The following ATRX variants were observed in gnomAD, a reference collection of about 807,000 sequenced individuals.
The protein encoded by ATRX is ATRX chromatin remodeler, also known as chromatin remodeler ATRX.
In ATRX, 12 loss-of-function variants were observed where a neutral mutation model predicts 172.6. The observed-to-expected ratio is 0.07, with a 90% CI of 0.04 to 0.11. The LOEUF is 0.11. ATRX is among the 10% of genes least tolerant of loss of function. The probability of loss-of-function intolerance (pLI) is 1.00; values close to 1 mark genes in which losing one functional copy is unlikely to be tolerated. For synonymous variants in ATRX, 674 were observed against 594.7 expected (o/e 1.13, Z -1.94); for missense variants, 1,368 against 1,767.4 (o/e 0.77, Z 4.05).
intron 1 of ATRX, among the ~76,000 whole-genome samples, chrX:77,764,859 G>C (rs1603327913): frequency 8.9e-6 from 1 of 112,291 alleles, no homozygotes; most frequent in Non-Finnish European, 1.9e-5. Flanking sequence ...AAGCTACTTT[G>C]AGATTAGGAA....
intron 9 of ATRX, among the ~76,000 whole-genome samples, chrX:77,678,444 C>G (rs2071021507): frequency 8.9e-6 from 1 of 112,255 alleles, no homozygotes; most frequent in Non-Finnish European, 1.9e-5. Context: ...TTAAGTAGTT[C>G]ACTTGCCATT....
chrX:77,704,470 C>T (rs1179858984), intron 2 of ATRX, among the ~76,000 whole-genome samples: 1 of 112,059 alleles, frequency 8.9e-6, no homozygotes, highest in Non-Finnish European at 1.9e-5. Flanking sequence ...GCCCAACCTC[C>T]AGCCTTCAGG....
At chrX:77,705,694 T>C (rs186649848) in intron 2 of ATRX, among the ~76,000 whole-genome samples, 17 of 112,105 alleles carry the variant, frequency 1.5e-4, no homozygotes, top group Non-Finnish European at 2.8e-4. Flanking sequence ...AGAAACATAG[T>C]GAAACCTCAT....
At chrX:77,530,821 C>T (rs1557046106) in intron 30 of ATRX, among the ~76,000 whole-genome samples, 2 of 109,811 alleles carry the variant, frequency 1.8e-5, no homozygotes, top group South Asian at 3.8e-4. Flanking sequence ...AGAAATTCAA[C>T]GAATCCAGGA....
intron 2 of ATRX, among the ~76,000 whole-genome samples, chrX:77,705,690 A>G (rs1412022026): frequency 8.9e-6 from 1 of 112,412 alleles, no homozygotes. Context: ...CCTCAGAAAC[A>G]TAGTGAAACC....
At chrX:77,648,236 A>G (rs1425714953) in intron 15 of ATRX, among the ~76,000 whole-genome samples, 2 of 111,964 alleles carry the variant, frequency 1.8e-5, no homozygotes, top group Non-Finnish European at 3.8e-5. Context: ...AAAACTACAG[A>G]AGATGTGAAT....
chrX:77,511,475 G>A (rs186472847), intron 34 of ATRX, among the ~76,000 whole-genome samples: 107 of 111,535 alleles, frequency 9.6e-4, no homozygotes, highest in African/African-American at 3.5e-3. Flanking sequence ...TAAGGCCTCA[G>A]GGACCAATCC....
At chrX:77,627,260 T>G (rs1292180723) in intron 19 of ATRX, among the ~76,000 whole-genome samples, 1 of 110,360 alleles carries the variant, frequency 9.1e-6, no homozygotes, top group Non-Finnish European at 1.9e-5. Context: ...AAAATAAAAA[T>G]AAAAGTAAAT....
At position 77,682,823 on chromosome X, in the gene ATRX, C is replaced by G. The variant is rs1557139658; in HGVS notation, c.2433G>C (p.Gln811His). ...CTGAGTCATAATTAGAAGACTCAGACTGGGTTTGTCGTTTCTTTTTAGAAA... is the reference window on the plus strand; with the variant it reads ...CTGAGTCATAATTAGAAGACTCAGAGTGGGTTTGTCGTTTCTTTTTAGAAA... ...SIISKKKRQT[Q>H]SESSNYDSEL... Residue 811 changes from glutamine to histidine, a missense_variant, in exon 9 of 35, where the codon CAG becomes CAC. Transcript: ENST00000373344. 1.7e-6 allele frequency: 2 copies of G among 1,208,255 alleles called. No homozygotes were observed. Among genetic ancestry groups the G allele is most frequent in the South Asian group, 1.8e-5 (1 of 55,944 alleles).
At chrX:77,716,572 G>A (rs1245270672) in intron 2 of ATRX, among the ~76,000 whole-genome samples, 1 of 107,480 alleles carries the variant, frequency 9.3e-6, no homozygotes, top group African/African-American at 3.4e-5. Flanking sequence ...GTGAAACCCA[G>A]TCTCTACTAA....
intron 1 of ATRX, among the ~76,000 whole-genome samples, chrX:77,742,130 TTAAAAA>T (rs1557182549): frequency 9.0e-6 from 1 of 111,523 alleles, no homozygotes; most frequent in African/African-American, 3.3e-5. Context: ...AATTGTACAC[TTAAAAA>T]TAATTAAAGT....
intron 13 of ATRX, among the ~76,000 whole-genome samples, chrX:77,655,649 T>C (rs1259736849): frequency 9.1e-6 from 1 of 109,944 alleles, no homozygotes; most frequent in Non-Finnish European, 1.9e-5. Flanking sequence ...TTGCAAATAT[T>C]CTGAAGACCA....
chrX:77,703,157 G>C (rs2072625529), intron 2 of ATRX, among the ~76,000 whole-genome samples: 1 of 113,126 alleles, frequency 8.8e-6, no homozygotes, highest in South Asian at 3.6e-4. Flanking sequence ...CAGTGTTACA[G>C]AATCTTTGGG....
Position 77,683,613 on chromosome X carries a change from C to T in ATRX, c.1643G>A (p.Gly548Asp), listed in dbSNP as rs782088332. ...CACTTCTTGTTCAGTTCCACTGCTG[C>T]CATCCCCTTGATGATCAACTGAACT... is the stretch of plus-strand genomic sequence containing the variant. Reference protein sequence around the residue: ...VQSSVDHQGDGSSGTEQEVES... With the variant: ...VQSSVDHQGDDSSGTEQEVES... The change falls in exon 9 of 35, where the codon GGC becomes GAC. Residue 548 changes from glycine (G) to aspartate (D), a missense_variant. Coordinates refer to ENST00000373344, the MANE Select transcript of ATRX (RefSeq NM_000489.6). 2.5e-6 allele frequency: 3 copies of T among 1,211,672 alleles called. No homozygotes were observed. Among genetic ancestry groups the T allele is most frequent in the Non-Finnish European group, 3.4e-6 (3 of 895,357 alleles).
chrX:77,509,131 T>C (rs1557035245), intron 34 of ATRX, among the ~76,000 whole-genome samples: 1 of 111,659 alleles, frequency 9.0e-6, no homozygotes, highest in African/African-American at 3.3e-5. Flanking sequence ...AGAAATAGAT[T>C]CCCTGGTGTC....
chrX:77,706,944 T>C (rs2072858129), intron 2 of ATRX, among the ~76,000 whole-genome samples: 1 of 111,294 alleles, frequency 9.0e-6, no homozygotes, highest in Non-Finnish European at 1.9e-5. Flanking sequence ...TAGGGGAAAA[T>C]ATTTCCAAAT....
intron 15 of ATRX, among the ~76,000 whole-genome samples, chrX:77,639,653 A>G (rs1245280080): frequency 8.9e-6 from 1 of 112,049 alleles, no homozygotes; most frequent in Non-Finnish European, 1.9e-5. Flanking sequence ...TTCATCAGTG[A>G]CTTGATGATA....
intron 1 of ATRX, among the ~76,000 whole-genome samples, chrX:77,770,011 G>A (rs2076103393): frequency 9.0e-6 from 1 of 110,997 alleles, no homozygotes; most frequent in African/African-American, 3.3e-5. Context: ...TTGAGCCCAG[G>A]AGGTTGAGGC....
Position 77,682,957 on chromosome X carries a change from A to G in ATRX, c.2299T>C (p.Leu767=), listed in dbSNP as rs2148601540. 8.3e-7 allele frequency: 1 copy of G among 1,210,625 alleles called. No homozygotes were observed. The highest frequency in any genetic ancestry group is 1.1e-6 in the Non-Finnish European group (1 of 894,854). ...IHTNHKTLYD[L]KTQAGKDDKG... is the part of the protein sequence containing the mutation. ...TCATCTTTCCCCGCCTGAGTCTTTA[A>G]ATCATACAAAGTCTTATGGTTTGTA... The change falls in exon 9 of 35, where the codon TTA becomes CTA. Residue 767 remains leucine (L), a synonymous_variant. Coordinates refer to ENST00000373344, the MANE Select transcript of ATRX (RefSeq NM_000489.6).
Sources: allele counts gnomAD v4.1 joint callset (sites outside exome capture counted in the v4.1 genomes callset), GRCh38; gene constraint gnomAD v4.1.1; transcripts MANE v1.5; gene names NCBI Gene and HGNC (gene_info 2026-07-23, HGNC 2026-07-21).